NLRC3: variants seen among roughly 807,000 people sequenced by gnomAD.
The protein encoded by NLRC3 is NLR family CARD domain-containing protein 3.
NLRC3 carries 87 observed loss-of-function variants against 91.6 expected under a neutral mutation model. The observed-to-expected ratio is 0.95, with a 90% confidence interval of 0.80 to 1.14. The LOEUF is 1.14. Among genes scored for constraint, NLRC3 ranks in the 50% most tolerant of loss-of-function variants. NLRC3 has a pLI of 0.00. For synonymous variants in NLRC3, 694 were observed against 625.3 expected, an observed-to-expected ratio of 1.11 and a Z score of -1.64; for missense variants, 1,577 against 1,418.6, an observed-to-expected ratio of 1.11 and a Z score of -1.79.
At chr16:3,559,857 G>A (rs1244347782) in intron 6 of NLRC3, among the ~76,000 whole-genome samples, 2 of 151,710 alleles carry the variant, frequency 1.3e-5, no homozygotes, top group African/African-American at 4.8e-5. Flanking sequence ...TGACCAGGCT[G>A]GTCTCGAACT....
At chr16:3,566,168 C>T (rs2039877302) in intron 2 of NLRC3, among the ~76,000 whole-genome samples, 1 of 139,330 alleles carries the variant, frequency 7.2e-6, no homozygotes, top group Non-Finnish European at 1.5e-5. Context: ...TGGGTGATGG[C>T]GACATGTCCG....
rs1464066925 is a variant in NLRC3, at chr16:3,568,770, T to C, written c.-168-1446A>G. ...GGATTTGAATTGACATTGCCTCATG[T>C]GTATGGGTCCATGTGGGTAATTTGA... On this transcript the variant is annotated intron_variant, in intron 1 of 19. Transcript: ENST00000359128. Among the ~76,000 whole-genome samples the C allele has an allele frequency of 4.6e-5, 7 of 152,262 alleles. No homozygotes were observed. The South Asian group carries it at 1.2e-3, about 27-fold the overall frequency.
At position 3,540,413 on chromosome 16, in the gene NLRC3, C is replaced by A. The variant is rs1160450751; in HGVS notation, c.*1412G>T. The stretch of plus-strand genomic sequence containing the variant: ...TCCATTTGGATTTTTTTCCCTCCAA[C>A]ACAAACAGCTGCAGGAATTGGTGCC... On this transcript the variant is annotated 3_prime_UTR_variant, in exon 20 of 20. Transcript: ENST00000359128. 2 of 152,136 alleles carry A rather than the reference C, an allele frequency of 1.3e-5. No individual in the cohort carries two copies. The highest frequency in any genetic ancestry group is 2.9e-5 in the Non-Finnish European group (2 of 68,026). The allele number at this position is 152,136 out of a possible 1,614,324, so 9.4% of individuals were successfully genotyped here. A position where few individuals can be genotyped will look rare whatever the true frequency, so the allele number is the denominator to read the frequency against.
intron 11 of NLRC3, 105 bp from the exon 12 acceptor site, chr16:3,549,885 G>A (rs2038905514): frequency 2.8e-6 from 2 of 710,958 alleles, no homozygotes; most frequent in South Asian, 3.5e-5. Flanking sequence ...GGGAGTTGGG[G>A]GCTCCAGGGA....
At chr16:3,560,376 T>C (rs990418779) in intron 6 of NLRC3, among the ~76,000 whole-genome samples, 8 of 151,814 alleles carry the variant, frequency 5.3e-5, no homozygotes, top group African/African-American at 1.9e-4. Flanking sequence ...TGAGCCAAGA[T>C]CGTGCCACTG....
intron 5 of NLRC3, among the ~76,000 whole-genome samples, chr16:3,562,316 TG>T (rs1488089316): frequency 1.3e-5 from 2 of 152,138 alleles, no homozygotes; most frequent in Non-Finnish European, 2.9e-5. Flanking sequence ...GGGGTGAGCC[TG>T]TAATCCAGTG....
chr16:3,557,873 G>A (rs950612471), intron 6 of NLRC3, among the ~76,000 whole-genome samples, 197 bp from the exon 7 acceptor site: 1 of 152,222 alleles, frequency 6.6e-6, no homozygotes, highest in African/African-American at 2.4e-5. Context: ...TAGGGCCAGA[G>A]TGGGAGGACA....
intron 9 of NLRC3, among the ~76,000 whole-genome samples, chr16:3,553,570 G>A (rs114321061): frequency 0.018 from 2,805 of 152,290 alleles, 94 homozygotes; most frequent in African/African-American, 0.06. Flanking sequence ...CTTGGCTCTA[G>A]AAAAGTGAGC....
In NLRC3 at chr16:3,542,313, A is replaced by G. The variant is rs779485557; in HGVS notation, c.3024-39T>C. 1.7e-5 allele frequency: 23 copies of G among 1,316,272 alleles called. No individual in the cohort carries two copies. The Middle Eastern group carries it at 7.1e-4, about 41-fold the overall frequency. 81.5% of individuals were successfully genotyped at this position (1,316,272 alleles called of 1,614,324 possible). A position where few individuals can be genotyped will look rare whatever the true frequency, so the allele number is the denominator to read the frequency against. On this transcript the variant is annotated intron_variant, in intron 18 of 19. Coordinates refer to ENST00000359128, the MANE Select transcript of NLRC3 (RefSeq NM_178844.4). ...AGATGGAGACACACGGTGAGCCATC[A>G]GGGCAGAAGGAAAACACCCGGGGAA... is the stretch of plus-strand genomic sequence containing the variant.
chr16:3,560,520 A>G (rs749513723), intron 6 of NLRC3, among the ~76,000 whole-genome samples: 5 of 152,022 alleles, frequency 3.3e-5, no homozygotes, highest in Non-Finnish European at 7.4e-5. Context: ...AGTCACATCG[A>G]TTCAACCACA....
chr16:3,561,141 G>A (rs1181199681), intron 6 of NLRC3, among the ~76,000 whole-genome samples: 1 of 151,946 alleles, frequency 6.6e-6, no homozygotes, highest in Non-Finnish European at 1.5e-5. Flanking sequence ...CACAAGGTCA[G>A]GAGTTCGAGG....
At chr16:3,568,838 C>T (rs971119316) in intron 1 of NLRC3, among the ~76,000 whole-genome samples, 1 of 152,104 alleles carries the variant, frequency 6.6e-6, no homozygotes, top group African/African-American at 2.4e-5. Context: ...TATTTTTTCT[C>T]ATCTCGGTCT....
At chr16:3,566,167 G>A (rs913536350) in intron 2 of NLRC3, among the ~76,000 whole-genome samples, 7 of 150,684 alleles carry the variant, frequency 4.6e-5, no homozygotes, top group African/African-American at 9.8e-5. Context: ...TTGGGTGATG[G>A]CGACATGTCC....
In NLRC3 at chr16:3,548,663, G is replaced by T; in HGVS notation, c.2687+7C>A. The T allele has an allele frequency of 6.4e-7, 1 of 1,565,758 alleles. No individual in the cohort carries two copies. The highest frequency in any genetic ancestry group is 8.7e-7 in the Non-Finnish European group (1 of 1,150,914). ...GAACAGAGCAGGGTGGAGAGCTGCA[G>T]ACTCACTGAAGGGAGGTGAGGGTGC... On this transcript the variant is annotated splice_region_variant and intron_variant, in intron 14 of 19. Transcript: ENST00000359128.
Position 3,561,794 on chromosome 16 carries a change from C to CA in NLRC3, c.1929-7dup, listed in dbSNP as rs754788428. The CA allele has an allele frequency of 6.2e-7, 1 of 1,611,254 alleles. No individual in the cohort carries two copies. Among genetic ancestry groups the CA allele is most frequent in the Non-Finnish European group, 8.5e-7 (1 of 1,177,822 alleles). Reference sequence around the variant, plus strand: ...GGAACTGGTTGGTGTCCAGCCTGGCCAAGGGGAGCAGTGACAGTGAGTGTC... The same window carrying CA: ...GGAACTGGTTGGTGTCCAGCCTGGCCAAAGGGGAGCAGTGACAGTGAGTGTC... On this transcript the variant is annotated splice_region_variant and splice_polypyrimidine_tract_variant and intron_variant, in intron 5 of 19. Transcript: ENST00000359128.
rs1352613112 is a variant in NLRC3, at chr16:3,542,723, G to A, written c.2992C>T (p.Leu998=). ...VAGAKALANA[L]KVNSSLRRLN... ...CTCCGGAGACTTGAGTTTACCTTCA[G>A]AGCATTTGCCAGGGCTTTGGCTCCA... The change falls in exon 18 of 20, where the codon CTG becomes TTG. Residue 998 remains leucine (L), a synonymous_variant. Coordinates refer to ENST00000359128, the MANE Select transcript of NLRC3 (RefSeq NM_178844.4). 6.2e-6 allele frequency: 10 copies of A among 1,610,892 alleles called. No homozygotes were observed. The highest frequency in any genetic ancestry group is 8.5e-7 in the Non-Finnish European group (1 of 1,178,570).
At chr16:3,542,635 G>T in intron 18 of NLRC3, 57 bp downstream of exon 18, 1 of 998,250 alleles carries the variant, frequency 1.0e-6, no homozygotes, top group Non-Finnish European at 1.6e-6. Context: ...CATCAGGGAG[G>T]ACCCAGCAGA....
At chr16:3,566,944 A>G (rs776839530) in intron 2 of NLRC3, among the ~76,000 whole-genome samples, 2 of 152,250 alleles carry the variant, frequency 1.3e-5, no homozygotes, top group African/African-American at 4.8e-5. Flanking sequence ...GAAATAAAAG[A>G]TAGAAGAAGG....
chr16:3,564,737 C>G lies in NLRC3; in HGVS notation c.200G>C (p.Arg67Pro). Reference sequence around the variant, plus strand: ...TCCCACCTTGCTCAGCAGGGCCTTGCGGTGCCTCTGTATCCTTGAGTCTGC... The same window carrying G: ...TCCCACCTTGCTCAGCAGGGCCTTGGGGTGCCTCTGTATCCTTGAGTCTGC... ...CSNDSRIQRH[R>P]KALLSKVGGG... Residue 67 changes from arginine to proline, a missense_variant, in exon 5 of 20, where the codon CGC becomes CCC. Transcript: ENST00000359128. The surrounding 1 kb of genome is among the most constrained non-coding windows in gnomAD (Gnocchi z 5.9). The G allele has an allele frequency of 6.3e-7, 1 of 1,586,578 alleles. No homozygotes were observed. Among genetic ancestry groups the G allele is most frequent in the African/African-American group, 1.3e-5 (1 of 74,844 alleles).
Sources: allele counts gnomAD v4.1 joint callset (sites outside exome capture counted in the v4.1 genomes callset), GRCh38; gene constraint gnomAD v4.1.1; non-coding constraint Gnocchi (gnomAD v3.1); transcripts MANE v1.5; gene names NCBI Gene and HGNC (gene_info 2026-07-23, HGNC 2026-07-21).